Variants in RHBDD1 observed in about 807,000 individuals in gnomAD.
The protein encoded by RHBDD1 is rhomboid domain containing 1.
A neutral mutation model predicts 36.3 loss-of-function variants in RHBDD1; 38 were observed. The observed-to-expected ratio is 1.05, with a 90% CI of 0.81 to 1.37. The LOEUF (loss-of-function observed/expected upper bound fraction) is 1.37. Ranked by LOEUF, RHBDD1 falls within the 40% of genes most tolerant of loss-of-function variation. The probability of loss-of-function intolerance (pLI) is 0.00; values close to 1 mark genes in which losing one functional copy is unlikely to be tolerated. For synonymous variants in RHBDD1, 151 were observed against 136.5 expected (o/e 1.11, Z -0.74); for missense variants, 393 against 377.6 (o/e 1.04, Z -0.34).
At chr2:226,962,976 A>T (rs1172504546) in intron 8 of RHBDD1, among the ~76,000 whole-genome samples, 2 of 152,084 alleles carry the variant, frequency 1.3e-5, no homozygotes, top group Non-Finnish European at 2.9e-5. Context: ...TTTGGGCTGG[A>T]TGATTCCTTG....
At chr2:226,835,738 T>C, upstream of RHBDD1, 1 of 152,438 alleles carries the variant, frequency 6.6e-6, no homozygotes, top group Non-Finnish European at 1.5e-5. Context: ...TTGTTTGCCT[T>C]ACGCGTAGTC....
At chr2:226,973,487 C>G (rs1953969409) in intron 8 of RHBDD1, among the ~76,000 whole-genome samples, 1 of 152,184 alleles carries the variant, frequency 6.6e-6, no homozygotes, top group Non-Finnish European at 1.5e-5. Context: ...TGCCCCCATT[C>G]TAAGATTGGT....
intron 8 of RHBDD1, among the ~76,000 whole-genome samples, chr2:226,978,014 A>T (rs1319924634): frequency 6.6e-6 from 1 of 152,218 alleles, no homozygotes; most frequent in East Asian, 1.9e-4. Context: ...TCATAGAAGT[A>T]TGTTCCATTT....
chr2:226,933,963 A>G (rs1156473485), intron 8 of RHBDD1, among the ~76,000 whole-genome samples: 1 of 152,096 alleles, frequency 6.6e-6, no homozygotes, highest in African/African-American at 2.4e-5. Flanking sequence ...CTTGGATTCC[A>G]AGGTTTTAGA....
chr2:226,933,707 T>C (rs532989679), intron 8 of RHBDD1, among the ~76,000 whole-genome samples: 1 of 152,186 alleles, frequency 6.6e-6, no homozygotes, highest in African/African-American at 2.4e-5. Flanking sequence ...GGCTGCCCAA[T>C]TAAAAAAAAC....
the RHBDD1 span, among the ~76,000 whole-genome samples, chr2:226,828,852 A>T: frequency 1.3e-5 from 2 of 151,984 alleles, no homozygotes; most frequent in Non-Finnish European, 2.9e-5. Context: ...CTCTATCATG[A>T]TTTTCATTTT....
rs146994458 is a variant in RHBDD1 at position 226,982,690 on chromosome 2, G to A, written c.857-12741G>A. ...CTGTTCCTCACTATTTGTGTCTCGGGATTTGAGAGCTATTTAGTGGCTGAG... is the reference window on the plus strand; with the variant it reads ...CTGTTCCTCACTATTTGTGTCTCGGAATTTGAGAGCTATTTAGTGGCTGAG... On this transcript the variant is annotated intron_variant, in intron 8 of 8. Coordinates refer to ENST00000392062, the MANE Select transcript of RHBDD1 (RefSeq NM_001167608.3). 2.8e-3 allele frequency among the ~76,000 whole-genome samples: 422 copies of A among 152,316 alleles called. 2 individuals carry two copies. Among genetic ancestry groups the A allele is most frequent in the African/African-American group, 9.7e-3 (403 of 41,570 alleles).
Position 226,978,184 on chromosome 2 carries a change from C to T in RHBDD1, c.857-17247C>T, listed in dbSNP as rs189842095. On this transcript the variant is annotated intron_variant, in intron 8 of 8. Transcript: ENST00000392062. ...TAGAAACAATTCTAGAACGCTGTTA[C>T]ACTTGGACTAAACAGCAACACATTT... 6.6e-5 allele frequency among the ~76,000 whole-genome samples: 10 copies of T among 152,342 alleles called. No individual in the cohort carries two copies. The East Asian group carries it at 1.9e-3, about 29-fold the overall frequency.
chr2:226,862,822 T>C (rs1943976389), intron 3 of RHBDD1, among the ~76,000 whole-genome samples: 1 of 152,228 alleles, frequency 6.6e-6, no homozygotes, highest in Non-Finnish European at 1.5e-5. Flanking sequence ...CATTTCCATT[T>C]GCGGTGAAAG....
At chr2:226,878,563 C>T (rs749998225) in intron 5 of RHBDD1, among the ~76,000 whole-genome samples, 3 of 152,178 alleles carry the variant, frequency 2.0e-5, no homozygotes, top group Non-Finnish European at 2.9e-5. Context: ...ACAGCTTTCC[C>T]GATGTCACCA....
At chr2:226,831,242 G>C (rs766896707), upstream of RHBDD1, among the ~76,000 whole-genome samples, 66 of 152,230 alleles carry the variant, frequency 4.3e-4, no homozygotes, top group Non-Finnish European at 7.6e-4. Context: ...ATCTAGACCT[G>C]GGCTTCTCTT....
the RHBDD1 span, among the ~76,000 whole-genome samples, chr2:226,823,166 T>G: frequency 6.6e-6 from 1 of 152,148 alleles, no homozygotes; most frequent in African/African-American, 2.4e-5. Context: ...TGCCTCTTTT[T>G]GTCCTGCTGC....
chr2:226,955,549 G>T (rs1951731702), intron 8 of RHBDD1, among the ~76,000 whole-genome samples: 1 of 152,198 alleles, frequency 6.6e-6, no homozygotes, highest in Admixed American at 6.5e-5. Context: ...GCTGTTCACA[G>T]TAATGTATTT....
chr2:226,995,443 A>G lies in RHBDD1; in HGVS notation c.869A>G (p.Asn290Ser). The G allele has an allele frequency of 6.2e-7, 1 of 1,611,664 alleles. No homozygotes were observed. Among genetic ancestry groups the G allele is most frequent in the Non-Finnish European group, 8.5e-7 (1 of 1,178,156 alleles). Residue 290 changes from asparagine to serine, a missense_variant, in exon 9 of 9, where the codon AAT becomes AGT. Asn to Ser is a conservative substitution (Grantham distance 46, BLOSUM62 1). Transcript: ENST00000392062. ...TTTCTCACTACAGGAAATACCAGAA[A>G]TAGCCCACCACCCTACGGGTTTCAT... Reference protein sequence around the residue: ...ASLWDRGNTRNSPPPYGFHLS... With the variant: ...ASLWDRGNTRSSPPPYGFHLS...
chr2:226,986,772 C>T (rs540432322), intron 8 of RHBDD1, among the ~76,000 whole-genome samples: 6 of 152,230 alleles, frequency 3.9e-5, no homozygotes, highest in South Asian at 2.1e-4. Context: ...GATAGTGTGG[C>T]GATTCCTCAA....
At chr2:226,828,279 T>C in the RHBDD1 span, among the ~76,000 whole-genome samples, 6 of 152,224 alleles carry the variant, frequency 3.9e-5, no homozygotes, top group Admixed American at 1.3e-4. Context: ...CTCATCCGTG[T>C]TATAGGATGA....
At chr2:226,954,709 G>A (rs1444306543) in intron 8 of RHBDD1, among the ~76,000 whole-genome samples, 3 of 152,116 alleles carry the variant, frequency 2.0e-5, no homozygotes, top group African/African-American at 4.8e-5. Context: ...TGGAGGCCAT[G>A]CTATGAAGAA....
At chr2:226,817,696 G>T in the RHBDD1 span, among the ~76,000 whole-genome samples, 1 of 152,174 alleles carries the variant, frequency 6.6e-6, no homozygotes, top group African/African-American at 2.4e-5. Context: ...AGAAGTTAAG[G>T]CTGGCAGTTA....
At position 226,996,873 on chromosome 2, in the gene RHBDD1, T is replaced by C. The variant is rs931218316; in HGVS notation, c.*1351T>C. On this transcript the variant is annotated 3_prime_UTR_variant, in exon 9 of 9. Transcript: ENST00000392062. ...CTTAAAAATAAATACTATGTGTCCA[T>C]TGAGAAAATTCACAATATAAACAGA... 1 of 152,224 alleles carries C rather than the reference T, an allele frequency of 6.6e-6. No homozygotes were observed. Among genetic ancestry groups the C allele is most frequent in the African/African-American group, 2.4e-5 (1 of 41,462 alleles). 9.4% of individuals were successfully genotyped at this position (152,224 alleles called of 1,614,324 possible).
Sources: gnomAD v4.1 joint callset for allele counts (sites outside exome capture counted in the v4.1 genomes callset) on GRCh38, gnomAD v4.1.1 for gene constraint, MANE v1.5 for transcripts, NCBI Gene and HGNC (gene_info 2026-07-23, HGNC 2026-07-21) for gene names.